The following CACNA2D1 variants were observed in gnomAD, a reference collection of about 807,000 sequenced individuals.
CACNA2D1 encodes calcium voltage-gated channel auxiliary subunit alpha2delta 1.
A neutral mutation model predicts 171.5 loss-of-function variants in CACNA2D1; 53 were observed. The observed-to-expected ratio is 0.31, with a 90% CI of 0.25 to 0.39. The LOEUF is 0.39. CACNA2D1 is among the 10% of genes least tolerant of loss of function. The pLI, the probability that CACNA2D1 is intolerant of heterozygous loss-of-function variation, is 1.00. For synonymous variants in CACNA2D1, 442 were observed against 443.1 expected (o/e 1.00, Z 0.03); for missense variants, 903 against 1,299.8 (o/e 0.69, Z 4.69).
At chr7:82,206,495 G>T (rs1800013967) in intron 3 of CACNA2D1, among the ~76,000 whole-genome samples, 1 of 151,958 alleles carries the variant, frequency 6.6e-6, no homozygotes, top group Admixed American at 6.6e-5. Flanking sequence ...AAAACATTCA[G>T]TAAACCAAAT....
Position 82,117,312 on chromosome 7 carries a change from C to T in CACNA2D1, c.397-139G>A, listed in dbSNP as rs149067371. ...TGTTTAAAATATAGTACCTTGATAGCATTGGATACACAAATTTCCATTCAG... is the reference window on the plus strand; with the variant it reads ...TGTTTAAAATATAGTACCTTGATAGTATTGGATACACAAATTTCCATTCAG... On this transcript the variant is annotated intron_variant, in intron 5 of 38. Transcript: ENST00000356860. The T allele has an allele frequency of 2.6e-3, 2,090 of 792,924 alleles. 35 individuals carry two copies. In the South Asian group the frequency reaches 0.027, roughly 10 times the overall value. 49.1% of individuals were successfully genotyped at this position (792,924 alleles called of 1,614,324 possible). A position where few individuals can be genotyped will look rare whatever the true frequency, so the allele number is the denominator to read the frequency against.
chr7:82,123,793 T>C lies in CACNA2D1; in HGVS notation c.397-6620A>G, dbSNP rs200235535. 4.6e-5 allele frequency among the ~76,000 whole-genome samples: 7 copies of C among 152,196 alleles called. No homozygotes were observed. In the East Asian group the frequency reaches 1.3e-3, roughly 29 times the overall value. Reference sequence around the variant, plus strand: ...TGCCACAAAGGGTTCTCGTGAATTGTAAATGATACATAAAGTTATAGTAAT... The same window carrying C: ...TGCCACAAAGGGTTCTCGTGAATTGCAAATGATACATAAAGTTATAGTAAT... On this transcript the variant is annotated intron_variant, in intron 5 of 38. Transcript: ENST00000356860.
At chr7:82,071,242 T>C (rs765860332) in intron 7 of CACNA2D1, among the ~76,000 whole-genome samples, 1 of 152,140 alleles carries the variant, frequency 6.6e-6, no homozygotes, top group African/African-American at 2.4e-5. Context: ...TTAGACAAGA[T>C]AGTTAATCCT....
chr7:82,127,065 G>A (rs1352022090), intron 5 of CACNA2D1, among the ~76,000 whole-genome samples: 2 of 152,166 alleles, frequency 1.3e-5, no homozygotes, highest in Non-Finnish European at 2.9e-5. Flanking sequence ...ATCACTTGTA[G>A]TAATTACAGA....
chr7:82,254,258 GA>G lies in CACNA2D1; in HGVS notation c.294+80876del, dbSNP rs200166688. On this transcript the variant is annotated intron_variant, in intron 3 of 38. Transcript: ENST00000356860. The stretch of plus-strand genomic sequence containing the variant: ...GTGTTTTCCCGAATGTGCTTAGTAG[GA>G]AAAAAAAAGTATACTACCATATGTT... Among the ~76,000 whole-genome samples, 688 of 150,298 alleles carry G rather than the reference GA, an allele frequency of 4.6e-3. 3 individuals carry two copies. The highest frequency in any genetic ancestry group is 0.016 in the African/African-American group (650 of 41,094).
At chr7:82,047,585 T>A (rs1240397790) in intron 10 of CACNA2D1, among the ~76,000 whole-genome samples, 2 of 152,144 alleles carry the variant, frequency 1.3e-5, no homozygotes, top group Non-Finnish European at 2.9e-5. Flanking sequence ...GTTTATAAAA[T>A]TCTGACATCC....
chr7:82,060,174 AT>A lies in CACNA2D1; in HGVS notation c.879+253del, dbSNP rs1462501655. ...TGTATTATATATATATAATATATAT[AT>A]ATAATATATATATATTATATATATA... is the stretch of plus-strand genomic sequence containing the variant. On this transcript the variant is annotated intron_variant, in intron 10 of 38. Coordinates refer to ENST00000356860, the MANE Select transcript of CACNA2D1 (RefSeq NM_000722.4). Among the ~76,000 whole-genome samples, 41 of 31,920 alleles carry A rather than the reference AT, an allele frequency of 1.3e-3. 3 individuals are homozygous for A. The highest frequency in any genetic ancestry group is 4.8e-3 in the African/African-American group (40 of 8,414). 20.9% of individuals were successfully genotyped at this position (31,920 alleles called of 152,430 possible). A position where few individuals can be genotyped will look rare whatever the true frequency, so the allele number is the denominator to read the frequency against.
intron 1 of CACNA2D1, among the ~76,000 whole-genome samples, chr7:82,368,030 C>T (rs1263920417): frequency 6.6e-6 from 1 of 151,992 alleles, no homozygotes; most frequent in Non-Finnish European, 1.5e-5. Context: ...AGGGTGAAGC[C>T]ATCGCATTAG....
At chr7:82,067,654 T>C (rs1197657473) in intron 7 of CACNA2D1, among the ~76,000 whole-genome samples, 1 of 152,176 alleles carries the variant, frequency 6.6e-6, no homozygotes, top group East Asian at 1.9e-4. Flanking sequence ...GTAACTGAAA[T>C]GGTGAGTTTA....
At chr7:82,290,023 C>T (rs1392555814) in intron 3 of CACNA2D1, among the ~76,000 whole-genome samples, 1 of 152,150 alleles carries the variant, frequency 6.6e-6, no homozygotes, top group Non-Finnish European at 1.5e-5. Flanking sequence ...CTCTTTAGAA[C>T]AAATTAAAGC....
At chr7:82,099,659 C>T (rs1386925619) in intron 6 of CACNA2D1, among the ~76,000 whole-genome samples, 1 of 63,076 alleles carries the variant, frequency 1.6e-5, no homozygotes, top group African/African-American at 4.7e-5. Context: ...CCGTGTTAGC[C>T]GGGATGGTCT....
chr7:82,116,285 G>A (rs1233003784), intron 6 of CACNA2D1, among the ~76,000 whole-genome samples: 2 of 151,210 alleles, frequency 1.3e-5, no homozygotes, highest in Admixed American at 6.6e-5. Flanking sequence ...ACATGATAGA[G>A]CTGTCTTTTG....
intron 3 of CACNA2D1, among the ~76,000 whole-genome samples, chr7:82,294,310 G>C (rs1380314211): frequency 6.6e-6 from 1 of 152,092 alleles, no homozygotes; most frequent in Admixed American, 6.5e-5. Flanking sequence ...GTTTGATGTA[G>C]AAGTCAGCTG....
chr7:81,993,897 A>G (rs2130768096), intron 20 of CACNA2D1, among the ~76,000 whole-genome samples: 1 of 152,244 alleles, frequency 6.6e-6, no homozygotes, highest in Non-Finnish European at 1.5e-5. Flanking sequence ...TGAGAAAAGA[A>G]TGTGCAAAAG....
intron 3 of CACNA2D1, among the ~76,000 whole-genome samples, chr7:82,196,612 G>A (rs1448300677): frequency 6.6e-6 from 1 of 152,018 alleles, no homozygotes; most frequent in Non-Finnish European, 1.5e-5. Context: ...CTTAGAGGAA[G>A]CACAAGAGAA....
At chr7:82,067,569 A>G (rs76161061) in intron 7 of CACNA2D1, among the ~76,000 whole-genome samples, 2,154 of 152,328 alleles carry the variant, frequency 0.014, 29 homozygotes, top group Non-Finnish European at 0.019. Context: ...TATTTGTTCT[A>G]AATGACTAAT....
intron 4 of CACNA2D1, among the ~76,000 whole-genome samples, chr7:82,140,894 G>A (rs946706104): frequency 2.7e-5 from 4 of 146,794 alleles, no homozygotes; most frequent in South Asian, 2.2e-4. Context: ...GGTGGAGCTT[G>A]CAGTGAGCTG....
At chr7:81,956,599 G>A (rs73705421) in intron 38 of CACNA2D1, among the ~76,000 whole-genome samples, 2,758 of 152,156 alleles carry the variant, frequency 0.018, 83 homozygotes, top group African/African-American at 0.064. Flanking sequence ...CTTTTGCCAT[G>A]AAAACTATTC....
At chr7:82,239,413 C>G (rs1022965405) in intron 3 of CACNA2D1, among the ~76,000 whole-genome samples, 3 of 152,132 alleles carry the variant, frequency 2.0e-5, no homozygotes, top group Admixed American at 1.3e-4. Flanking sequence ...ACTCAGCAGA[C>G]CCCACGTCCC....
Sources: allele counts gnomAD v4.1 joint callset (sites outside exome capture counted in the v4.1 genomes callset), GRCh38; gene constraint gnomAD v4.1.1; transcripts MANE v1.5; gene names NCBI Gene and HGNC (gene_info 2026-07-23, HGNC 2026-07-21).